Variants in CACNA1C observed in about 807,000 individuals in gnomAD.
CACNA1C encodes the protein voltage-dependent L-type calcium channel subunit alpha-1C.
In CACNA1C, 30 loss-of-function variants were observed where a neutral mutation model predicts 229.0. That is an observed-to-expected ratio of 0.13 (90% CI 0.10 to 0.18). CACNA1C has a LOEUF of 0.18. Ranked by LOEUF, CACNA1C falls within the 10% of genes least tolerant of loss-of-function variation. The probability of loss-of-function intolerance (pLI) is 1.00; values close to 1 mark genes in which losing one functional copy is unlikely to be tolerated. For synonymous variants in CACNA1C, 1,114 were observed against 1,132.5 expected, an observed-to-expected ratio of 0.98 and a Z score of 0.33; for missense variants, 1,658 against 2,845.0, an observed-to-expected ratio of 0.58 and a Z score of 9.49.
At chr12:2,557,006 C>T in intron 11 of CACNA1C, 29 bp downstream of exon 11, 1 of 1,598,608 alleles carries the variant, frequency 6.3e-7, no homozygotes, top group Non-Finnish European at 8.6e-7. Flanking sequence ...GCTCTTCCTT[C>T]CTTCTGCCAC....
intron 3 of CACNA1C, among the ~76,000 whole-genome samples, chr12:2,156,508 C>G (rs1386328194): frequency 1.3e-5 from 2 of 152,222 alleles, no homozygotes; most frequent in African/African-American, 4.8e-5. Flanking sequence ...ATTTGAAATA[C>G]TCTTTGATGA....
chr12:2,666,632 T>C lies in CACNA1C; in HGVS notation c.4527-54T>C. 1.7e-6 allele frequency: 2 copies of C among 1,192,182 alleles called. No homozygotes were observed. Among genetic ancestry groups the C allele is most frequent in the African/African-American group, 1.5e-5 (1 of 66,440 alleles). The allele number at this position is 1,192,182 out of a possible 1,614,324, so 73.9% of individuals were successfully genotyped here. On this transcript the variant is annotated intron_variant, in intron 36 of 46. Coordinates refer to ENST00000399655, the MANE Select transcript of CACNA1C (RefSeq NM_000719.7). The surrounding 1 kb of genome is among the most constrained non-coding windows in gnomAD (Gnocchi z 5.3). ...CTCAGGCGCATGCGTCCTGGGCTGC[T>C]GGCAGAGACCGTGGCTCTCTGATGC...
intron 3 of CACNA1C, among the ~76,000 whole-genome samples, chr12:2,435,298 C>T (rs1013471079): frequency 1.3e-5 from 2 of 152,220 alleles, no homozygotes; most frequent in African/African-American, 2.4e-5. Flanking sequence ...TGCCGATTAC[C>T]AGCAGGGCTC....
At chr12:2,093,677 T>G (rs928980828) in intron 1 of CACNA1C, among the ~76,000 whole-genome samples, 1 of 152,176 alleles carries the variant, frequency 6.6e-6, no homozygotes, top group African/African-American at 2.4e-5. Flanking sequence ...TACACAACTG[T>G]ATGATCATGG....
chr12:2,567,287 CGAT>C (rs969465105), intron 12 of CACNA1C, among the ~76,000 whole-genome samples: 1 of 152,156 alleles, frequency 6.6e-6, no homozygotes. Flanking sequence ...ATGGGCATGA[CGAT>C]GGTGGTACCA....
chr12:2,690,693 G>T (rs986331635), intron 46 of CACNA1C: 10 of 549,054 alleles, frequency 1.8e-5, no homozygotes, highest in African/African-American at 1.7e-4. Context: ...AACTTCTCTG[G>T]CCTGCACATC....
rs1456874626 is a variant in CACNA1C at position 2,275,651 on chromosome 12, CTG to C, written c.477+155224_477+155225del. Among the ~76,000 whole-genome samples the C allele has an allele frequency of 6.6e-6, 1 of 150,974 alleles. No individual in the cohort carries two copies. The highest frequency in any genetic ancestry group is 6.6e-5 in the Admixed American group (1 of 15,254). On this transcript the variant is annotated intron_variant, in intron 3 of 46. Coordinates refer to ENST00000399655, the MANE Select transcript of CACNA1C (RefSeq NM_000719.7). The surrounding 1 kb of genome is among the most constrained non-coding windows in gnomAD (Gnocchi z 4.1). ...GCACCACTGGATCTTTCCCCTCTCT[CTG>C]TGAGAAGACGGCCAGTCTCAGATTG...
intron 1 of CACNA1C, among the ~76,000 whole-genome samples, chr12:2,101,619 TG>T (rs2076444146): frequency 6.6e-6 from 1 of 152,176 alleles, no homozygotes; most frequent in South Asian, 2.1e-4. Flanking sequence ...CTGAGTCCCG[TG>T]ACCCACGAGG....
intron 29 of CACNA1C, among the ~76,000 whole-genome samples, chr12:2,623,620 C>G (rs183898340): frequency 1.2e-3 from 177 of 152,234 alleles, no homozygotes; most frequent in African/African-American, 3.9e-3. Flanking sequence ...TCCAGCAGGA[C>G]TGGAAAGTCT....
intron 3 of CACNA1C, among the ~76,000 whole-genome samples, chr12:2,303,669 A>G (rs773036982): frequency 6.6e-6 from 1 of 152,192 alleles, no homozygotes; most frequent in Non-Finnish European, 1.5e-5. Flanking sequence ...GCTAGGGGTG[A>G]GGGCTTTCGC....
intron 11 of CACNA1C, among the ~76,000 whole-genome samples, chr12:2,560,293 C>G (rs2046766979): frequency 6.6e-6 from 1 of 152,216 alleles, no homozygotes; most frequent in Non-Finnish European, 1.5e-5. Context: ...TTAGGTGAAA[C>G]AGTTTAACAA....
At chr12:2,276,308 A>G (rs2088020700) in intron 3 of CACNA1C, among the ~76,000 whole-genome samples, 1 of 152,208 alleles carries the variant, frequency 6.6e-6, no homozygotes, top group South Asian at 2.1e-4. Flanking sequence ...ACAGCTGTCC[A>G]TGTGCTGGAA....
At chr12:2,119,605 A>G (rs2085595823) in intron 2 of CACNA1C, among the ~76,000 whole-genome samples, 1 of 152,248 alleles carries the variant, frequency 6.6e-6, no homozygotes, top group Admixed American at 6.5e-5. Flanking sequence ...GCACACACCA[A>G]GGAAAAATCA....
rs897620352 is a variant in CACNA1C, at chr12:2,608,351, G to C, written c.3357-160G>C. Among the ~76,000 whole-genome samples, 1 of 152,146 alleles carries C rather than the reference G, an allele frequency of 6.6e-6. No homozygotes were observed. The highest frequency in any genetic ancestry group is 6.5e-5 in the Admixed American group (1 of 15,282). On this transcript the variant is annotated intron_variant, in intron 26 of 46. Transcript: ENST00000399655. This position sits in a 1 kb window ranked among gnomAD's most constrained non-coding sequence, Gnocchi z 4.2. ...GAGTCTCAGAGAGGTTAAACGCTTT[G>C]CCCAAGGTCACACAGCCAGTAAGAG...
chr12:2,457,135 G>T (rs758231), intron 4 of CACNA1C, among the ~76,000 whole-genome samples: 16,193 of 151,690 alleles, frequency 0.11, 913 homozygotes, highest in Middle Eastern at 0.17. Context: ...AAGTCAAAGA[G>T]GGGGGGTATC....
At position 2,136,630 on chromosome 12, in the gene CACNA1C, G is replaced by A. The variant is rs1348059072; in HGVS notation, c.477+16200G>A. Among the ~76,000 whole-genome samples the A allele has an allele frequency of 1.3e-5, 2 of 151,248 alleles. 1 individual carries two copies. The highest frequency in any genetic ancestry group is 3.0e-5 in the Non-Finnish European group (2 of 67,600). ...AGCAACAGTGAAGGAGGGAGTGAAC[G>A]TCCCCAGGCTGGGTGGTGTCTGTAG... On this transcript the variant is annotated intron_variant, in intron 3 of 46. Coordinates refer to ENST00000399655, the MANE Select transcript of CACNA1C (RefSeq NM_000719.7).
chr12:2,535,945 C>G (rs1268276265), intron 9 of CACNA1C, among the ~76,000 whole-genome samples: 1 of 152,204 alleles, frequency 6.6e-6, no homozygotes, highest in South Asian at 2.1e-4. Flanking sequence ...TGAAGAGACA[C>G]CATGGGGTTG....
intron 2 of CACNA1C, among the ~76,000 whole-genome samples, chr12:2,116,464 C>T (rs1393194117): frequency 2.0e-5 from 3 of 150,954 alleles, no homozygotes; most frequent in Non-Finnish European, 4.4e-5. Flanking sequence ...CTCCTGGGTT[C>T]GCACCATTGT....
Position 2,678,203 on chromosome 12 carries a change from G to C in CACNA1C, c.5091+336G>C, listed in dbSNP as rs530029186. Among the ~76,000 whole-genome samples the C allele has an allele frequency of 6.6e-6, 1 of 152,210 alleles. No individual in the cohort carries two copies. Among genetic ancestry groups the C allele is most frequent in the South Asian group, 2.1e-4 (1 of 4,832 alleles). On this transcript the variant is annotated intron_variant, in intron 41 of 46. Transcript: ENST00000399655. This position sits in a 1 kb window ranked among gnomAD's most constrained non-coding sequence, Gnocchi z 4.1. ...CCCCTGGGGCACATCTAATCTGCAG[G>C]CTTGTTTTGTTTGTTAATATTTGAA...
Sources: gnomAD v4.1 joint callset for allele counts (sites outside exome capture counted in the v4.1 genomes callset) on GRCh38, gnomAD v4.1.1 for gene constraint, Gnocchi (gnomAD v3.1) non-coding constraint, MANE v1.5 for transcripts, NCBI Gene and HGNC (gene_info 2026-07-23, HGNC 2026-07-21) for gene names.